The following VAV3 variants were observed in gnomAD, a reference collection of about 807,000 sequenced individuals.
VAV3 encodes the protein guanine nucleotide exchange factor VAV3.
In VAV3, 94 loss-of-function variants were observed where a neutral mutation model predicts 131.2. The observed-to-expected ratio is 0.72, with a 90% CI of 0.61 to 0.85. VAV3 has a LOEUF of 0.85. Ranked by LOEUF, VAV3 falls within the 40% of genes least tolerant of loss-of-function variation. VAV3 has a pLI of 0.00. For synonymous variants in VAV3, 349 were observed against 342.0 expected (o/e 1.02, Z -0.22); for missense variants, 939 against 1,002.7 (o/e 0.94, Z 0.86).
At chr1:107,841,253 C>G (rs1668692965) in intron 2 of VAV3, among the ~76,000 whole-genome samples, 1 of 151,858 alleles carries the variant, frequency 6.6e-6, no homozygotes, top group Non-Finnish European at 1.5e-5. Flanking sequence ...AGTTCTTGTC[C>G]TCAACAAAGT....
Position 107,571,199 on chromosome 1 carries a change from AAAT to A in VAV3, c.*2129_*2131del, listed in dbSNP as rs1431137212. The A allele has an allele frequency of 1.3e-5, 2 of 152,684 alleles. No homozygotes were observed. Among genetic ancestry groups the A allele is most frequent in the Non-Finnish European group, 2.9e-5 (2 of 68,040 alleles). The allele number at this position is 152,684 out of a possible 1,614,324, so 9.5% of individuals were successfully genotyped here. On this transcript the variant is annotated 3_prime_UTR_variant, in exon 27 of 27. Coordinates refer to ENST00000370056, the MANE Select transcript of VAV3 (RefSeq NM_006113.5). Reference sequence around the variant, plus strand: ...TATTTATTATATTGACATATTTACAAAATAATACAAAGTGAAATACCACTCTAA... The same window carrying A: ...TATTTATTATATTGACATATTTACAAAATACAAAGTGAAATACCACTCTAA...
chr1:107,631,822 G>T (rs1035183559), intron 20 of VAV3, among the ~76,000 whole-genome samples: 1 of 151,740 alleles, frequency 6.6e-6, no homozygotes, highest in African/African-American at 2.4e-5. Context: ...ATTTTTTATG[G>T]CTGCATAGTA....
At chr1:107,824,541 A>AC (rs1412661933) in intron 2 of VAV3, among the ~76,000 whole-genome samples, 3 of 152,206 alleles carry the variant, frequency 2.0e-5, no homozygotes, top group Non-Finnish European at 4.4e-5. Flanking sequence ...AGTAAGCAGA[A>AC]CCCCAAACAA....
chr1:107,768,334 T>C, intron 7 of VAV3, 107 bp downstream of exon 7: 2 of 795,826 alleles, frequency 2.5e-6, no homozygotes. Context: ...AAGGCCAATA[T>C]TCTTAAATAA....
intron 2 of VAV3, among the ~76,000 whole-genome samples, chr1:107,832,646 A>C (rs901876136): frequency 1.3e-5 from 2 of 152,352 alleles, no homozygotes; most frequent in Admixed American, 6.5e-5. Flanking sequence ...GATGTAGTAT[A>C]ATAGGTGTCT....
chr1:107,900,498 A>C (rs1254479938), intron 1 of VAV3, among the ~76,000 whole-genome samples: 1 of 152,186 alleles, frequency 6.6e-6, no homozygotes, highest in Non-Finnish European at 1.5e-5. Flanking sequence ...CACCTTATAA[A>C]GTCTAGACTT....
At chr1:107,741,661 A>C (rs1374648536) in intron 15 of VAV3, among the ~76,000 whole-genome samples, 1 of 152,190 alleles carries the variant, frequency 6.6e-6, no homozygotes, top group Non-Finnish European at 1.5e-5. Context: ...CACACACACA[A>C]AAACCAAAAA....
chr1:107,810,111 T>C (rs2102327967), intron 2 of VAV3, among the ~76,000 whole-genome samples: 1 of 152,330 alleles, frequency 6.6e-6, no homozygotes, highest in East Asian at 1.9e-4. Flanking sequence ...AGAATTCTGC[T>C]GATAAATTGC....
chr1:107,793,031 ATAAG>A (rs370705881), intron 2 of VAV3, among the ~76,000 whole-genome samples: 5 of 152,284 alleles, frequency 3.3e-5, no homozygotes, highest in African/African-American at 9.6e-5. Context: ...ATGACGATAA[ATAAG>A]TGTCATTATA....
At chr1:107,933,612 G>A (rs533224179) in intron 1 of VAV3, among the ~76,000 whole-genome samples, 1 of 151,900 alleles carries the variant, frequency 6.6e-6, no homozygotes, top group Admixed American at 6.6e-5. Flanking sequence ...CAGGAGTTAA[G>A]AGACCAGCCT....
chr1:107,710,758 G>A (rs1660738832), intron 15 of VAV3, among the ~76,000 whole-genome samples: 1 of 151,932 alleles, frequency 6.6e-6, no homozygotes, highest in African/African-American at 2.4e-5. Context: ...GATAGTTAGC[G>A]ATATCATGAC....
rs139592015 is a variant in VAV3, at chr1:107,712,831, G to C, written c.1503-7770C>G. 4.0e-3 allele frequency among the ~76,000 whole-genome samples: 610 copies of C among 152,256 alleles called. 6 individuals are homozygous for C. The highest frequency in any genetic ancestry group is 0.014 in the African/African-American group (580 of 41,552). ...CAAACAATCATGAAACTGCAGCTAT[G>C]ACAAGTGCTACAAAGAAAGATCACG... On this transcript the variant is annotated intron_variant, in intron 15 of 26. Transcript: ENST00000370056.
intron 2 of VAV3, among the ~76,000 whole-genome samples, chr1:107,786,072 C>T (rs1665989313): frequency 6.6e-6 from 1 of 152,104 alleles, no homozygotes; most frequent in Non-Finnish European, 1.5e-5. Context: ...TCCTTAGCAC[C>T]TCCTCTATGG....
intron 1 of VAV3, among the ~76,000 whole-genome samples, chr1:107,953,304 G>A (rs560969299): frequency 2.0e-5 from 3 of 152,250 alleles, no homozygotes; most frequent in South Asian, 2.1e-4. Flanking sequence ...GTGGGGAGAA[G>A]GAAGGAAATA....
intron 1 of VAV3, among the ~76,000 whole-genome samples, chr1:107,927,071 G>T (rs1471587695): frequency 1.3e-5 from 2 of 152,202 alleles, no homozygotes; most frequent in Non-Finnish European, 2.9e-5. Flanking sequence ...GAAGATGGAA[G>T]AGTAAAGACG....
chr1:107,625,320 G>A (rs577018942), intron 20 of VAV3, among the ~76,000 whole-genome samples: 2 of 150,916 alleles, frequency 1.3e-5, no homozygotes, highest in South Asian at 4.2e-4. Flanking sequence ...GTGCAATGGC[G>A]CGATCTCTGG....
intron 1 of VAV3, among the ~76,000 whole-genome samples, chr1:107,902,971 C>T (rs973128220): frequency 1.3e-5 from 2 of 151,940 alleles, no homozygotes; most frequent in Non-Finnish European, 2.9e-5. Context: ...ACCAGGTTTT[C>T]GTTAAACCAT....
chr1:107,808,479 C>T (rs1451277118), intron 2 of VAV3, among the ~76,000 whole-genome samples: 1 of 151,882 alleles, frequency 6.6e-6, no homozygotes, highest in African/African-American at 2.4e-5. Flanking sequence ...TTCAAGACTA[C>T]TAGAAAAAAG....
At chr1:107,573,457 A>G in intron 26 of VAV3, 85 bp from the exon 27 acceptor site, 1 of 1,531,948 alleles carries the variant, frequency 6.5e-7, no homozygotes, top group Non-Finnish European at 8.9e-7. Flanking sequence ...TTTTGTTTTC[A>G]TAACACCCCA....
Sources: gnomAD v4.1 joint callset for allele counts (sites outside exome capture counted in the v4.1 genomes callset) on GRCh38, gnomAD v4.1.1 for gene constraint, MANE v1.5 for transcripts, NCBI Gene and HGNC (gene_info 2026-07-23, HGNC 2026-07-21) for gene names.